GPS1: variants seen among roughly 807,000 people sequenced by gnomAD.
GPS1 encodes G protein pathway suppressor 1.
In GPS1, 11 loss-of-function variants were observed where a neutral mutation model predicts 60.0. That is an observed-to-expected ratio of 0.18 (90% CI 0.12 to 0.30). The LOEUF is 0.30. Ranked by LOEUF, GPS1 falls within the 10% of genes least tolerant of loss-of-function variation. GPS1 has a pLI of 1.00. For synonymous variants in GPS1, 343 were observed against 269.8 expected, an observed-to-expected ratio of 1.27 and a Z score of -2.66; for missense variants, 543 against 669.2, an observed-to-expected ratio of 0.81 and a Z score of 2.08.
chr17:82,052,455 A>C (rs545970806), intron 1 of GPS1: 1 of 1,610,248 alleles, frequency 6.2e-7, no homozygotes, highest in African/African-American at 1.3e-5. Context: ...ACGCTGCTCT[A>C]CGAGGTACCT....
At position 82,054,547 on chromosome 17, in the gene GPS1, G is replaced by C; in HGVS notation, c.346G>C (p.Gly116Arg). The C allele has an allele frequency of 6.4e-7, 1 of 1,574,050 alleles. No individual in the cohort carries two copies. Among genetic ancestry groups the C allele is most frequent in the Non-Finnish European group, 8.6e-7 (1 of 1,160,598 alleles). ...QNAPDAIPESGVEPPALDTAW... is the reference protein window; with the variant it reads ...QNAPDAIPESRVEPPALDTAW... ...CGCACCCGACGCCATCCCTGAGAGC[G>C]GCGTGGAGCCCCCAGCCCTGGACAC... is the stretch of plus-strand genomic sequence containing the variant. The change falls in exon 4 of 13, where the codon GGC becomes CGC. Residue 116 changes from glycine to arginine, a missense_variant. Physicochemically the swap from Gly to Arg is moderately radical, Grantham distance 125. Transcript: ENST00000578552.
chr17:82,054,788 A>G lies in GPS1; in HGVS notation c.587A>G (p.Asn196Ser). Residue 196 changes from asparagine (N) to serine (S), a missense_variant, in exon 4 of 13, where the codon AAC becomes AGC. Asn to Ser is a conservative substitution (Grantham distance 46, BLOSUM62 1). Transcript: ENST00000578552. ...TGCACCAGCGCCAAACACGTCATCA[A>G]CATGTGCCTCAATGTCATCAAGGTC... ...DYCTSAKHVI[N>S]MCLNVIKVSV... The G allele has an allele frequency of 6.2e-7, 1 of 1,605,514 alleles. No individual in the cohort carries two copies. Among genetic ancestry groups the G allele is most frequent in the Non-Finnish European group, 8.5e-7 (1 of 1,175,380 alleles).
intron 2 of GPS1, 93 bp from the exon 3 acceptor site, chr17:82,053,775 T>G: frequency 7.8e-6 from 10 of 1,283,142 alleles, no homozygotes; most frequent in Non-Finnish European, 1.1e-5. Flanking sequence ...ACATTCTGGC[T>G]AGGACAGTCA....
chr17:82,053,333 T>C lies in GPS1; in HGVS notation c.93T>C (p.Pro31=). The change falls in exon 2 of 13, where the codon CCT becomes CCC. Residue 31 remains proline, a synonymous_variant. Coordinates refer to ENST00000578552, the MANE Select transcript of GPS1 (RefSeq NM_001321092.3). ...CCCAGGAAGACCCGCAGAATGCACC[T>C]GACGTCAACTACGTGGTGGAGAACC... ...VDPQEDPQNA[P]DVNYVVENPS... 6.5e-7 allele frequency: 1 copy of C among 1,539,408 alleles called. No homozygotes were observed. Among genetic ancestry groups the C allele is most frequent in the Non-Finnish European group, 8.7e-7 (1 of 1,150,982 alleles).
rs976840976 is a variant in GPS1, at chr17:82,057,411, TCCCG to T, written c.*287_*290del. Reference sequence around the variant, plus strand: ...GCACCATTTCCCAGACCCCTCCTGTTCCCGCCTCAGTCAGGTGCAGACAAGTGGG... The same window carrying T: ...GCACCATTTCCCAGACCCCTCCTGTTCCTCAGTCAGGTGCAGACAAGTGGG... On this transcript the variant is annotated 3_prime_UTR_variant, in exon 13 of 13. Transcript: ENST00000578552. 2.4e-5 allele frequency: 15 copies of T among 629,674 alleles called. No individual in the cohort carries two copies. The highest frequency in any genetic ancestry group is 4.2e-5 in the Admixed American group (2 of 47,242). The allele number at this position is 629,674 out of a possible 1,614,324, so 39.0% of individuals were successfully genotyped here. A position where few individuals can be genotyped will look rare whatever the true frequency, so the allele number is the denominator to read the frequency against.
upstream of GPS1, chr17:82,050,984 A>C (rs2030458189): frequency 1.8e-5 from 25 of 1,424,628 alleles, no homozygotes; most frequent in Middle Eastern, 2.6e-4. Context: ...TCTTGAGTGG[A>C]AACAGGACGG....
upstream of GPS1, chr17:82,051,227 G>C (rs912758921): frequency 7.6e-7 from 1 of 1,317,026 alleles, no homozygotes; most frequent in African/African-American, 1.5e-5. This position sits in a 1 kb window ranked among gnomAD's most constrained non-coding sequence, Gnocchi z 4.1. Context: ...CGAAGGGGCC[G>C]TGGCTTCGGA....
rs763681337 is a variant in GPS1 at position 82,054,878 on chromosome 17, G to T, written c.610-20G>T. On this transcript the variant is annotated intron_variant, in intron 4 of 12. Coordinates refer to ENST00000578552, the MANE Select transcript of GPS1 (RefSeq NM_001321092.3). Reference sequence around the variant, plus strand: ...CCATTGGGGCGCCCGGGCTCACTTGGCTCTGCGCCCCCCCGCCAGGTCAGC... The same window carrying T: ...CCATTGGGGCGCCCGGGCTCACTTGTCTCTGCGCCCCCCCGCCAGGTCAGC... 6.4e-7 allele frequency: 1 copy of T among 1,571,060 alleles called. No homozygotes were observed. Among genetic ancestry groups the T allele is most frequent in the South Asian group, 1.2e-5 (1 of 85,046 alleles).
intron 6 of GPS1, chr17:82,055,503 G>T: frequency 1.6e-6 from 1 of 606,784 alleles, no homozygotes; most frequent in Non-Finnish European, 2.9e-6. Context: ...AGCCCTGCTA[G>T]CACCTAGGGC....
At chr17:82,052,459 G>A in intron 1 of GPS1, 1 of 1,610,720 alleles carries the variant, frequency 6.2e-7, no homozygotes, top group African/African-American at 1.3e-5. Context: ...TGCTCTACGA[G>A]GTACCTTCCA....
Position 82,055,750 on chromosome 17 carries a change from G to A in GPS1, c.759G>A (p.Glu253=). 1 of 1,553,752 alleles carries A rather than the reference G, an allele frequency of 6.4e-7. No individual in the cohort carries two copies. Among genetic ancestry groups the A allele is most frequent in the Non-Finnish European group, 8.7e-7 (1 of 1,148,912 alleles). The part of the protein sequence containing the change: ...TKLKCAAGLA[E]LAARKYKQAA... ...GGCTCCTTCCACTAGGCTTGGCAGA[G>A]CTGGCCGCCAGGAAGTACAAGCAGG... is the stretch of plus-strand genomic sequence containing the variant. The change falls in exon 7 of 13, where the codon GAG becomes GAA. Residue 253 remains glutamate, a synonymous_variant. Transcript: ENST00000578552.
Position 82,054,890 on chromosome 17 carries a change from C to T in GPS1, c.610-8C>T, listed in dbSNP as rs368324967. 5 of 1,576,086 alleles carry T rather than the reference C, an allele frequency of 3.2e-6. No homozygotes were observed. Among genetic ancestry groups the T allele is most frequent in the African/African-American group, 2.7e-5 (2 of 74,430 alleles). Reference sequence around the variant, plus strand: ...CCGGGCTCACTTGGCTCTGCGCCCCCCCGCCAGGTCAGCGTCTACTTGCAG... The same window carrying T: ...CCGGGCTCACTTGGCTCTGCGCCCCTCCGCCAGGTCAGCGTCTACTTGCAG... On this transcript the variant is annotated splice_region_variant and splice_polypyrimidine_tract_variant and intron_variant, in intron 4 of 12. Transcript: ENST00000578552.
intron 1 of GPS1, chr17:82,052,213 A>T: frequency 2.7e-6 from 4 of 1,493,894 alleles, no homozygotes; most frequent in Non-Finnish European, 3.7e-6. Flanking sequence ...CTCACGGGAG[A>T]GGTTCCCGGC....
In GPS1 at chr17:82,056,087, C is replaced by T. The variant is rs746721577; in HGVS notation, c.921C>T (p.Ile307=). 7 of 1,611,728 alleles carry T rather than the reference C, an allele frequency of 4.3e-6. No homozygotes were observed. In the South Asian group the frequency reaches 7.7e-5, roughly 18 times the overall value. ...FDRQELQRNV[I]SSSSFKLFLE... Reference sequence around the variant, plus strand: ...GGCAGGAGCTGCAGCGCAATGTCATCTCCAGCAGGTAGGTGCCCCGGTCCT... The same window carrying T: ...GGCAGGAGCTGCAGCGCAATGTCATTTCCAGCAGGTAGGTGCCCCGGTCCT... The change falls in exon 8 of 13, where the codon ATC becomes ATT. Residue 307 remains isoleucine (I), a synonymous_variant. Coordinates refer to ENST00000578552, the MANE Select transcript of GPS1 (RefSeq NM_001321092.3).
upstream of GPS1, chr17:82,050,946 C>G (rs2030448167): frequency 1.4e-6 from 2 of 1,422,576 alleles, no homozygotes; most frequent in Non-Finnish European, 9.2e-7. Flanking sequence ...GCCACCGAGG[C>G]TGAAGCAGGC....
In GPS1 at chr17:82,055,094, T is replaced by C. The variant is rs772739516; in HGVS notation, c.688-68T>C. The C allele has an allele frequency of 2.3e-5, 36 of 1,569,012 alleles. No homozygotes were observed. In the South Asian group the frequency reaches 4.1e-4, roughly 18 times the overall value. On this transcript the variant is annotated intron_variant, in intron 5 of 12. Coordinates refer to ENST00000578552, the MANE Select transcript of GPS1 (RefSeq NM_001321092.3). ...AATCTGCCTTCATCCCCTCTCAGTC[T>C]GGGGGCTGGGCATCGAGCTCTAGGA...
chr17:82,056,799 T>G, intron 11 of GPS1, 33 bp downstream of exon 11: 1 of 1,607,258 alleles, frequency 6.2e-7, no homozygotes, highest in Non-Finnish European at 8.5e-7. Flanking sequence ...TGGGGGCAGC[T>G]GGGGGTGAGC....
Position 82,056,637 on chromosome 17 carries a change from C to T in GPS1, c.1125C>T (p.Ser375=), listed in dbSNP as rs1369291852. The T allele has an allele frequency of 1.9e-6, 3 of 1,610,182 alleles. No homozygotes were observed. Among genetic ancestry groups the T allele is most frequent in the East Asian group, 2.2e-5 (1 of 44,866 alleles). Residue 375 remains serine (S), a synonymous_variant, in exon 11 of 13, where the codon AGC becomes AGT. Coordinates refer to ENST00000578552, the MANE Select transcript of GPS1 (RefSeq NM_001321092.3). ...TTCCCTCTGCCCTGCAGTATTTCAG[C>T]CCCTACGTGTCAGCCGACATGCATA... ...IRNRALIQYF[S]PYVSADMHRM...
At chr17:82,052,074 C>A in intron 1 of GPS1, 110 bp downstream of exon 1, 1 of 902,252 alleles carries the variant, frequency 1.1e-6, no homozygotes, top group Non-Finnish European at 1.4e-6. Context: ...CGGTCGGGCA[C>A]GCTCCGTGCC....
Sources: allele counts gnomAD v4.1 joint callset, GRCh38; gene constraint gnomAD v4.1.1; non-coding constraint Gnocchi (gnomAD v3.1); transcripts MANE v1.5; gene names NCBI Gene and HGNC (gene_info 2026-07-23, HGNC 2026-07-21).